Variants in CNTNAP5 observed in about 807,000 individuals in gnomAD.
The protein encoded by CNTNAP5 is contactin associated protein family member 5.
A neutral mutation model predicts 150.2 loss-of-function variants in CNTNAP5; 72 were observed. That is an observed-to-expected ratio of 0.48 (90% CI 0.40 to 0.58). CNTNAP5 has a LOEUF of 0.58. Among genes scored for constraint, CNTNAP5 ranks in the 20% least tolerant of loss-of-function variants. The pLI is 0.00. For missense variants in CNTNAP5, 1,636 were observed against 1,626.2 expected (o/e 1.01, Z -0.10); for synonymous variants, 672 against 619.8 (o/e 1.08, Z -1.25).
At chr2:124,341,504 G>GA (rs1421317804) in intron 3 of CNTNAP5, among the ~76,000 whole-genome samples, 1 of 152,130 alleles carries the variant, frequency 6.6e-6, no homozygotes, top group Non-Finnish European at 1.5e-5. Flanking sequence ...GAATGGCAAA[G>GA]AATCTCATTA....
chr2:124,528,677 A>C (rs1477364775), intron 10 of CNTNAP5, among the ~76,000 whole-genome samples: 1 of 152,160 alleles, frequency 6.6e-6, no homozygotes, highest in African/African-American at 2.4e-5. Context: ...GGTGTGAATA[A>C]GTCCAGAGAT....
intron 1 of CNTNAP5, among the ~76,000 whole-genome samples, chr2:124,118,733 G>A (rs1300087178): frequency 3.9e-5 from 6 of 152,180 alleles, no homozygotes; most frequent in Non-Finnish European, 5.9e-5. Context: ...CAACATTTGC[G>A]AAGGCCCTCT....
At chr2:124,608,788 T>A (rs2104982869) in intron 11 of CNTNAP5, among the ~76,000 whole-genome samples, 1 of 151,860 alleles carries the variant, frequency 6.6e-6, no homozygotes, top group South Asian at 2.1e-4. Flanking sequence ...CTACTAAAAA[T>A]ATAAAAATTA....
intron 1 of CNTNAP5, among the ~76,000 whole-genome samples, chr2:124,094,961 G>A (rs1682900619): frequency 6.6e-6 from 1 of 152,190 alleles, no homozygotes; most frequent in Non-Finnish European, 1.5e-5. Flanking sequence ...CAGTGCTCCT[G>A]TAGGATTTTA....
Position 124,550,707 on chromosome 2 carries a change from G to A in CNTNAP5, c.1650-12510G>A, listed in dbSNP as rs114955816. ...TGCGTGGTGGACTTCCATTCTGATG[G>A]ATCACTTCTAGGTCACTGAGATAAA... On this transcript the variant is annotated intron_variant, in intron 10 of 23. Transcript: ENST00000682447. 1.7e-3 allele frequency among the ~76,000 whole-genome samples: 257 copies of A among 152,188 alleles called. 1 individual carries two copies. The highest frequency in any genetic ancestry group is 6.8e-3 in the Middle Eastern group (2 of 294).
At chr2:124,241,007 C>G (rs537203743) in intron 2 of CNTNAP5, among the ~76,000 whole-genome samples, 4 of 152,280 alleles carry the variant, frequency 2.6e-5, no homozygotes, top group Non-Finnish European at 4.4e-5. Flanking sequence ...ATTAACTCCT[C>G]TAAATGAAAA....
rs1461853428 is a variant in CNTNAP5 at position 124,914,164 on chromosome 2, A to G, written c.3800A>G (p.Lys1267Arg). Reference sequence around the variant, plus strand: ...ATGACCCGGTTCCTCTACCAGCACAAGCAGTCACATCGTACGAGCCAGATG... The same window carrying G: ...ATGACCCGGTTCCTCTACCAGCACAGGCAGTCACATCGTACGAGCCAGATG... ...GIMTRFLYQH[K>R]QSHRTSQMKE... is the part of the protein sequence containing the mutation. Residue 1267 changes from lysine to arginine, a missense_variant, in exon 24 of 24, where the codon AAG (lysine) becomes AGG (arginine). Transcript: ENST00000682447. 4 of 1,612,476 alleles carry G rather than the reference A, an allele frequency of 2.5e-6. No homozygotes were observed. The highest frequency in any genetic ancestry group is 1.3e-5 in the African/African-American group (1 of 74,768).
At position 124,434,484 on chromosome 2, in the gene CNTNAP5, A is replaced by C. The variant is rs368583877; in HGVS notation, c.530A>C (p.Lys177Thr). 2.5e-6 allele frequency: 4 copies of C among 1,613,170 alleles called. No homozygotes were observed. Among genetic ancestry groups the C allele is most frequent in the Non-Finnish European group, 3.4e-6 (4 of 1,179,252 alleles). The change falls in exon 5 of 24, where the codon AAA (lysine) becomes ACA (threonine). Residue 177 changes from lysine to threonine, a missense_variant and splice_region_variant. Lys to Thr is a moderately conservative substitution (Grantham distance 78). Coordinates refer to ENST00000682447, the MANE Select transcript of CNTNAP5 (RefSeq NM_001367498.1). The stretch of plus-strand genomic sequence containing the variant: ...TTTCCCGCTCCTTCTTTGTTCCCAG[A>C]ATCAGATGTTGCTGACTTTGATGGC... ...MRVEVYGCSY[K>T]SDVADFDGRS... is the part of the protein sequence containing the mutation.
At chr2:124,308,261 C>T (rs969520270) in intron 3 of CNTNAP5, among the ~76,000 whole-genome samples, 2 of 152,086 alleles carry the variant, frequency 1.3e-5, no homozygotes, top group African/African-American at 4.8e-5. Flanking sequence ...CCTCACATAC[C>T]TAAACTGCCA....
chr2:124,176,842 G>GTTTTTTTTTTTTTTTTTTTT (rs71394026), intron 1 of CNTNAP5, among the ~76,000 whole-genome samples: 2 of 119,916 alleles, frequency 1.7e-5, no homozygotes, highest in Non-Finnish European at 3.4e-5. Flanking sequence ...GTTATTGCTG[G>GTTTTTTTTTTTTTTTTTTTT]TTTTTTTTTT....
intron 13 of CNTNAP5, among the ~76,000 whole-genome samples, chr2:124,722,640 T>C (rs1680071376): frequency 6.6e-6 from 1 of 152,132 alleles, no homozygotes; most frequent in South Asian, 2.1e-4. Context: ...TCCTGGGTGG[T>C]AGCCCCATCC....
At chr2:124,757,029 C>A (rs1319725718) in intron 14 of CNTNAP5, among the ~76,000 whole-genome samples, 3 of 152,162 alleles carry the variant, frequency 2.0e-5, no homozygotes, top group Non-Finnish European at 4.4e-5. Flanking sequence ...CATGCCAGCA[C>A]AAATTTCATT....
At chr2:124,518,797 G>C (rs1041322218) in intron 8 of CNTNAP5, among the ~76,000 whole-genome samples, 4 of 151,688 alleles carry the variant, frequency 2.6e-5, no homozygotes, top group African/African-American at 9.7e-5. Flanking sequence ...GACCAGCCTG[G>C]CCAACGTTAT....
chr2:124,205,906 T>A (rs1685851843), intron 1 of CNTNAP5, among the ~76,000 whole-genome samples: 1 of 152,182 alleles, frequency 6.6e-6, no homozygotes, highest in Non-Finnish European at 1.5e-5. Flanking sequence ...TTATCTAAGA[T>A]CTCCAAAAAG....
At chr2:124,627,674 G>A (rs933584849) in intron 12 of CNTNAP5, among the ~76,000 whole-genome samples, 2 of 152,116 alleles carry the variant, frequency 1.3e-5, no homozygotes, top group Non-Finnish European at 2.9e-5. Flanking sequence ...CCAAATGATT[G>A]CAACGTCTCC....
intron 11 of CNTNAP5, among the ~76,000 whole-genome samples, chr2:124,607,492 A>G (rs1677275139): frequency 6.6e-6 from 1 of 152,082 alleles, no homozygotes; most frequent in African/African-American, 2.4e-5. Flanking sequence ...ATCATATTCT[A>G]TTTGTTAGAG....
At chr2:124,607,127 C>T (rs924131368) in intron 11 of CNTNAP5, among the ~76,000 whole-genome samples, 4 of 152,054 alleles carry the variant, frequency 2.6e-5, no homozygotes, top group Non-Finnish European at 4.4e-5. Context: ...GATTAGCTAC[C>T]TATTGTAATG....
chr2:124,329,294 T>C (rs533424253), intron 3 of CNTNAP5, among the ~76,000 whole-genome samples: 1 of 152,328 alleles, frequency 6.6e-6, no homozygotes, highest in Admixed American at 6.5e-5. Context: ...CTTTCTTTTC[T>C]CAGGTGGTTA....
rs1193208712 is a variant in CNTNAP5 at position 124,055,978 on chromosome 2, T to C, written c.82+30246T>C. Among the ~76,000 whole-genome samples the C allele has an allele frequency of 2.6e-5, 4 of 151,886 alleles. No individual in the cohort carries two copies. In the East Asian group the frequency reaches 5.9e-4, roughly 22 times the overall value. On this transcript the variant is annotated intron_variant, in intron 1 of 23. Transcript: ENST00000682447. ...TGTGACTGTAAAAGTAAAACACCTA[T>C]GCCTCTTTCCCTTGCACCTTCATCT...
Sources: gnomAD v4.1 joint callset for allele counts (sites outside exome capture counted in the v4.1 genomes callset) on GRCh38, gnomAD v4.1.1 for gene constraint, MANE v1.5 for transcripts, NCBI Gene and HGNC (gene_info 2026-07-23, HGNC 2026-07-21) for gene names.